COL22A1: variants seen among roughly 807,000 people sequenced by gnomAD.
COL22A1 encodes the protein collagen alpha-1(XXII) chain.
COL22A1 carries 221 observed loss-of-function variants against 248.9 expected under a neutral mutation model. That is an observed-to-expected ratio of 0.89 (90% confidence interval 0.80 to 0.99). COL22A1 has a LOEUF of 0.99. Among genes scored for constraint, COL22A1 ranks in the 50% least tolerant of loss-of-function variants. COL22A1 has a pLI of 0.00. For missense variants in COL22A1, 2,240 were observed against 2,179.0 expected, an observed-to-expected ratio of 1.03 and a Z score of -0.56; for synonymous variants, 891 against 793.4, an observed-to-expected ratio of 1.12 and a Z score of -2.07.
intron 7 of COL22A1, among the ~76,000 whole-genome samples, chr8:138,817,254 C>G (rs571931841): frequency 4.2e-4 from 64 of 152,174 alleles, no homozygotes; most frequent in Non-Finnish European, 8.1e-4. Context: ...AAGGGTGTTA[C>G]CACTGTGAGC....
At chr8:138,665,873 G>A (rs996333285) in intron 41 of COL22A1, among the ~76,000 whole-genome samples, 1 of 152,182 alleles carries the variant, frequency 6.6e-6, no homozygotes, top group Non-Finnish European at 1.5e-5. Flanking sequence ...AAAAGAGCCA[G>A]AGTACATTTT....
At chr8:138,626,329 G>A in intron 50 of COL22A1, 86 bp from the exon 51 acceptor site, 1 of 1,045,812 alleles carries the variant, frequency 9.6e-7, no homozygotes, top group Non-Finnish European at 1.5e-6. Flanking sequence ...TGCATTCATG[G>A]GTTGGGGGAG....
intron 16 of COL22A1, among the ~76,000 whole-genome samples, chr8:138,772,625 G>C (rs139856771): frequency 6.6e-6 from 1 of 152,348 alleles, no homozygotes; most frequent in African/African-American, 2.4e-5. Flanking sequence ...TAATCACGCT[G>C]TAGGTTTCTT....
intron 43 of COL22A1, among the ~76,000 whole-genome samples, chr8:138,660,935 G>GAC (rs1322873228): frequency 2.1e-5 from 1 of 47,212 alleles, no homozygotes; most frequent in Non-Finnish European, 4.0e-5. Context: ...CAGACACACA[G>GAC]ACACACACAT....
intron 9 of COL22A1, among the ~76,000 whole-genome samples, chr8:138,811,268 T>TACACAC (rs200757539): frequency 0.016 from 1,811 of 111,662 alleles, 20 homozygotes; most frequent in Middle Eastern, 0.038. Context: ...TACATATATA[T>TACACAC]ATATACACAC....
chr8:138,690,891 G>A lies in COL22A1; in HGVS notation c.2755-17C>T, dbSNP rs1368178381. 6.2e-7 allele frequency: 1 copy of A among 1,601,518 alleles called. No homozygotes were observed. The highest frequency in any genetic ancestry group is 1.3e-5 in the African/African-American group (1 of 74,406). ...GGGAGCACCCTGTTCAGAGACAGAA[G>A]TTTAGAAAGGCCAAACGCATTGATT... is the stretch of plus-strand genomic sequence containing the variant. On this transcript the variant is annotated splice_polypyrimidine_tract_variant and intron_variant, in intron 35 of 64. Transcript: ENST00000303045.
intron 45 of COL22A1, among the ~76,000 whole-genome samples, chr8:138,650,931 G>A (rs1310360650): frequency 6.6e-6 from 1 of 152,132 alleles, no homozygotes; most frequent in East Asian, 1.9e-4. Context: ...ACAAATACAT[G>A]CACTAACTAT....
intron 43 of COL22A1, among the ~76,000 whole-genome samples, chr8:138,660,943 CATAAACACACAG>C (rs1823848350): frequency 1.6e-5 from 1 of 60,972 alleles, no homozygotes; most frequent in Non-Finnish European, 4.4e-5. Flanking sequence ...CAGACACACA[CATAAACACACAG>C]ACACACACGC....
At chr8:138,788,796 G>A (rs1344950674) in intron 12 of COL22A1, among the ~76,000 whole-genome samples, 1 of 152,148 alleles carries the variant, frequency 6.6e-6, no homozygotes, top group Non-Finnish European at 1.5e-5. Flanking sequence ...ACGTTTATGA[G>A]CACTTTTTAC....
chr8:138,912,401 AAT>A (rs1815511129), intron 1 of COL22A1, among the ~76,000 whole-genome samples: 1 of 152,168 alleles, frequency 6.6e-6, no homozygotes, highest in African/African-American at 2.4e-5. Context: ...AGAAATCATC[AAT>A]GAGAGACAGA....
At chr8:138,815,938 G>A (rs1193856995) in intron 7 of COL22A1, among the ~76,000 whole-genome samples, 1 of 152,160 alleles carries the variant, frequency 6.6e-6, no homozygotes, top group African/African-American at 2.4e-5. Context: ...AGTGCCCCTT[G>A]AAGTGTAGCC....
chr8:138,649,958 C>G (rs774371104), intron 45 of COL22A1, among the ~76,000 whole-genome samples, 180 bp from the exon 46 acceptor site: 2 of 152,202 alleles, frequency 1.3e-5, no homozygotes, highest in African/African-American at 2.4e-5. Flanking sequence ...TGTGTCTAAA[C>G]TTTGCATTTT....
chr8:138,862,779 T>C (rs1330649556), intron 3 of COL22A1, among the ~76,000 whole-genome samples: 4 of 149,862 alleles, frequency 2.7e-5, no homozygotes, highest in Non-Finnish European at 5.9e-5. Context: ...TTTTTTTTCA[T>C]GTTTTCAGGT....
intron 3 of COL22A1, among the ~76,000 whole-genome samples, chr8:138,854,752 C>T (rs1476799495): frequency 3.3e-5 from 5 of 152,112 alleles, no homozygotes; most frequent in Non-Finnish European, 5.9e-5. Context: ...ATGTCTTTGT[C>T]TTCTCATAGA....
At chr8:138,772,968 C>T (rs540794792) in intron 16 of COL22A1, among the ~76,000 whole-genome samples, 9 of 152,224 alleles carry the variant, frequency 5.9e-5, no homozygotes, top group South Asian at 2.1e-4. Context: ...TGCTGGGAGG[C>T]GTCTCTGCAA....
At chr8:138,628,558 C>T (rs958923520) in intron 50 of COL22A1, among the ~76,000 whole-genome samples, 2 of 152,134 alleles carry the variant, frequency 1.3e-5, no homozygotes, top group Non-Finnish European at 2.9e-5. Context: ...AAAAAAATTA[C>T]TTCTATTTTG....
chr8:138,726,666 GA>G (rs1383341732), intron 23 of COL22A1, among the ~76,000 whole-genome samples: 1 of 152,160 alleles, frequency 6.6e-6, no homozygotes, highest in African/African-American at 2.4e-5. Flanking sequence ...GAGTACTGAA[GA>G]AAGCCCGAGA....
At chr8:138,800,661 A>C (rs1230086829) in intron 11 of COL22A1, among the ~76,000 whole-genome samples, 1 of 152,222 alleles carries the variant, frequency 6.6e-6, no homozygotes, top group African/African-American at 2.4e-5. Context: ...GATATCAGGC[A>C]GGCAATAATG....
chr8:138,781,560 CTTCT>C (rs1301160807), intron 12 of COL22A1, among the ~76,000 whole-genome samples: 3 of 152,322 alleles, frequency 2.0e-5, no homozygotes, highest in Middle Eastern at 3.4e-3. Context: ...CTGGGACAAA[CTTCT>C]TTCTAAGGAA....
Sources: allele counts gnomAD v4.1 joint callset (sites outside exome capture counted in the v4.1 genomes callset), GRCh38; gene constraint gnomAD v4.1.1; transcripts MANE v1.5; gene names NCBI Gene and HGNC (gene_info 2026-07-23, HGNC 2026-07-21).